The following FUT8 variants were observed in gnomAD, a reference collection of about 807,000 sequenced individuals.
FUT8 encodes the protein alpha-(1,6)-fucosyltransferase.
Under a neutral mutation model 71.3 loss-of-function variants are expected in FUT8, and 29 were observed. The ratio of observed to expected loss-of-function variants is 0.41; its 90% CI spans 0.30 to 0.55. The LOEUF is 0.55. Among genes scored for constraint, FUT8 ranks in the 20% least tolerant of loss-of-function variants. FUT8 has a pLI of 0.34. For missense variants in FUT8, 544 were observed against 702.1 expected (o/e 0.77, Z 2.55); for synonymous variants, 254 against 239.3 (o/e 1.06, Z -0.57).
rs1891467169 is a variant in FUT8 at position 65,652,685 on chromosome 14, C to A, written c.598-16558C>A. ...CAACCAAAAGCAGTCTTAACTGATG[C>A]ACAAGCCAGGTGCCTGACACAATGG... is the stretch of plus-strand genomic sequence containing the variant. On this transcript the variant is annotated intron_variant, in intron 6 of 10. Coordinates refer to ENST00000673929, the MANE Select transcript of FUT8 (RefSeq NM_001371533.1). The surrounding 1 kb of genome is among the most constrained non-coding windows in gnomAD (Gnocchi z 4.0). Among the ~76,000 whole-genome samples the A allele has an allele frequency of 6.6e-6, 1 of 151,850 alleles. No individual in the cohort carries two copies. Among genetic ancestry groups the A allele is most frequent in the Admixed American group, 6.6e-5 (1 of 15,258 alleles).
At chr14:65,577,431 C>G (rs1225325623) in intron 3 of FUT8, among the ~76,000 whole-genome samples, 2 of 152,002 alleles carry the variant, frequency 1.3e-5, no homozygotes, top group African/African-American at 4.8e-5. Context: ...GCTTTTTGAT[C>G]TTCAGTTTCT....
At chr14:65,362,995 C>A in the FUT8 span, among the ~76,000 whole-genome samples, 1 of 122,898 alleles carries the variant, frequency 8.1e-6, no homozygotes, top group Non-Finnish European at 1.6e-5. Context: ...AGAAGAAATT[C>A]TGTCCTCATA....
At chr14:65,360,190 G>C in the FUT8 span, among the ~76,000 whole-genome samples, 1 of 152,088 alleles carries the variant, frequency 6.6e-6, no homozygotes, top group Non-Finnish European at 1.5e-5. Context: ...TCTGATAACT[G>C]GTAATTTTAC....
chr14:65,641,068 T>A (rs141236352), intron 6 of FUT8, among the ~76,000 whole-genome samples: 2,966 of 152,278 alleles, frequency 0.019, 36 homozygotes, highest in Middle Eastern at 0.031. Flanking sequence ...TACAATTTGT[T>A]AAGTTTTGAC....
Position 65,663,932 on chromosome 14 carries a change from G to A in FUT8, c.598-5311G>A, listed in dbSNP as rs74058551. On this transcript the variant is annotated intron_variant, in intron 6 of 10. Coordinates refer to ENST00000673929, the MANE Select transcript of FUT8 (RefSeq NM_001371533.1). ...ATAGTTTCCAAACTAAAGGTCAGAT[G>A]TTTCAATTATTATGTTCCTTCACTC... 7.8e-3 allele frequency among the ~76,000 whole-genome samples: 1,185 copies of A among 152,054 alleles called. 8 individuals are homozygous for A. The highest frequency in any genetic ancestry group is 0.024 in the African/African-American group (985 of 41,492).
chr14:65,500,997 G>A (rs1214816310), intron 2 of FUT8, among the ~76,000 whole-genome samples: 1 of 152,180 alleles, frequency 6.6e-6, no homozygotes, highest in Non-Finnish European at 1.5e-5. Context: ...CTATTTTGGA[G>A]GAGAGGCAGT....
chr14:65,611,917 T>C (rs1028109182), intron 3 of FUT8, among the ~76,000 whole-genome samples: 14 of 152,328 alleles, frequency 9.2e-5, no homozygotes, highest in Middle Eastern at 6.8e-3. Flanking sequence ...TGCCTCAGCC[T>C]CCCAAAGTGC....
chr14:65,362,128 T>G, the FUT8 span, among the ~76,000 whole-genome samples: 2 of 152,232 alleles, frequency 1.3e-5, no homozygotes, highest in Non-Finnish European at 2.9e-5. Flanking sequence ...TTGGGTTGCA[T>G]GTTGTTTTAA....
chr14:65,417,196 C>T (rs1378481261), intron 1 of FUT8, among the ~76,000 whole-genome samples: 1 of 152,202 alleles, frequency 6.6e-6, no homozygotes, highest in Non-Finnish European at 1.5e-5. Context: ...CTCAAGTGAT[C>T]ATCCCACCTT....
At chr14:65,687,550 C>T in intron 7 of FUT8, among the ~76,000 whole-genome samples, 1 of 152,246 alleles carries the variant, frequency 6.6e-6, no homozygotes, top group East Asian at 1.9e-4. Context: ...AAAAATACCA[C>T]TTAAATATAT....
chr14:65,443,477 T>C (rs1006894118), intron 1 of FUT8, among the ~76,000 whole-genome samples: 1 of 151,600 alleles, frequency 6.6e-6, no homozygotes, highest in Non-Finnish European at 1.5e-5. Flanking sequence ...TCCCGCACTT[T>C]GGGAGGCTGA....
Position 65,413,459 on chromosome 14 carries a change from G to C in FUT8, c.-326+245G>C, listed in dbSNP as rs2065170102. On this transcript the variant is annotated intron_variant, in intron 1 of 10. Transcript: ENST00000673929. This position sits in a 1 kb window ranked among gnomAD's most constrained non-coding sequence, Gnocchi z 4.1. ...GTGAGGGGCGCCCGCCTCTCCAGCC[G>C]GGACGCGGAGCTGCGCCGCTGCTGC... 6.6e-6 allele frequency among the ~76,000 whole-genome samples: 1 copy of C among 151,992 alleles called. No individual in the cohort carries two copies. The highest frequency in any genetic ancestry group is 6.6e-5 in the Admixed American group (1 of 15,262).
intron 6 of FUT8, among the ~76,000 whole-genome samples, chr14:65,650,317 A>AC (rs1348214489): frequency 6.7e-6 from 1 of 149,114 alleles, no homozygotes; most frequent in Non-Finnish European, 1.5e-5. Flanking sequence ...AAAAAAAAAA[A>AC]AAAAAAAAAA....
At chr14:65,392,986 C>G in the FUT8 span, among the ~76,000 whole-genome samples, 1 of 152,176 alleles carries the variant, frequency 6.6e-6, no homozygotes, top group African/African-American at 2.4e-5. Context: ...TAATGAGCAT[C>G]TGTATTTTAT....
chr14:65,619,689 G>A (rs1889498608), intron 5 of FUT8, among the ~76,000 whole-genome samples: 1 of 152,102 alleles, frequency 6.6e-6, no homozygotes, highest in Non-Finnish European at 1.5e-5. Context: ...AATAAATTTA[G>A]AGTAGCATAT....
upstream of FUT8, among the ~76,000 whole-genome samples, chr14:65,407,136 C>T (rs1007436311): frequency 4.6e-5 from 7 of 152,148 alleles, no homozygotes; most frequent in Non-Finnish European, 7.4e-5. Context: ...AACTTTGTTA[C>T]ATAAAAGTTG....
At chr14:65,635,059 G>A (rs1050492022) in intron 6 of FUT8, among the ~76,000 whole-genome samples, 14 of 151,968 alleles carry the variant, frequency 9.2e-5, no homozygotes, top group African/African-American at 3.4e-4. Context: ...CCTCGGTTAG[G>A]TATATTCCTA....
chr14:65,464,543 G>A (rs2066014592), intron 2 of FUT8, among the ~76,000 whole-genome samples: 1 of 151,962 alleles, frequency 6.6e-6, no homozygotes, highest in South Asian at 2.1e-4. Context: ...TCTATTTCTA[G>A]TTTGCTGAGA....
intron 2 of FUT8, among the ~76,000 whole-genome samples, chr14:65,553,399 T>G (rs1885401722): frequency 6.6e-6 from 1 of 152,146 alleles, no homozygotes; most frequent in African/African-American, 2.4e-5. Context: ...ATAAACCCAG[T>G]GATACATTAT....
Sources: allele counts gnomAD v4.1 joint callset (sites outside exome capture counted in the v4.1 genomes callset), GRCh38; gene constraint gnomAD v4.1.1; non-coding constraint Gnocchi (gnomAD v3.1); transcripts MANE v1.5; gene names NCBI Gene and HGNC (gene_info 2026-07-23, HGNC 2026-07-21).